Variants in DIAPH2 observed in about 807,000 individuals in gnomAD.
DIAPH2 encodes diaphanous related formin 2.
DIAPH2 carries 35 observed loss-of-function variants against 92.7 expected under a neutral mutation model. That is an observed-to-expected ratio of 0.38 (90% CI 0.29 to 0.50). The LOEUF (loss-of-function observed/expected upper bound fraction) is 0.50. Ranked by LOEUF, DIAPH2 falls within the 20% of genes least tolerant of loss-of-function variation. DIAPH2 has a pLI of 0.94. For missense variants in DIAPH2, 701 were observed against 819.5 expected (o/e 0.86, Z 1.77); for synonymous variants, 301 against 280.4 (o/e 1.07, Z -0.73).
rs2096774809 is a variant in DIAPH2, at chrX:96,798,980, C to T, written c.447+40722C>T. ...CTGATAGTTGTTCTGTGCCCATTCT[C>T]GTGGAGTCTCCTCTAAACTTGTACG... is the stretch of plus-strand genomic sequence containing the variant. On this transcript the variant is annotated intron_variant, in intron 4 of 26. Coordinates refer to ENST00000324765, the MANE Select transcript of DIAPH2 (RefSeq NM_006729.5). Among the ~76,000 whole-genome samples, 5 of 110,531 alleles carry T rather than the reference C, an allele frequency of 4.5e-5. No homozygotes were observed. In the Admixed American group the frequency reaches 4.8e-4, roughly 11 times the overall value.
intron 22 of DIAPH2, among the ~76,000 whole-genome samples, chrX:97,217,380 A>G (rs1007094204): frequency 2.2e-4 from 25 of 111,575 alleles, no homozygotes; most frequent in Admixed American, 7.6e-4. Context: ...CTGCAGTAAG[A>G]AAGGAAAAAC....
At chrX:97,446,858 CA>C (rs1161893607) in intron 26 of DIAPH2, among the ~76,000 whole-genome samples, 1,739 of 65,805 alleles carry the variant, frequency 0.026, 33 homozygotes, top group African/African-American at 0.072. Context: ...TTAAATGTTG[CA>C]AAAAAAAAAA....
chrX:96,937,866 C>A (rs2065668041), intron 11 of DIAPH2, among the ~76,000 whole-genome samples: 1 of 111,780 alleles, frequency 8.9e-6, no homozygotes, highest in Admixed American at 9.5e-5. Flanking sequence ...GCATCTGAGT[C>A]AAATACAGCT....
At chrX:96,803,740 T>C (rs1260728299) in intron 4 of DIAPH2, among the ~76,000 whole-genome samples, 1 of 112,423 alleles carries the variant, frequency 8.9e-6, no homozygotes, top group Non-Finnish European at 1.9e-5. Context: ...ACCCATTCTT[T>C]CATAAAATTC....
chrX:97,296,055 T>A (rs2147619784), intron 23 of DIAPH2, among the ~76,000 whole-genome samples: 1 of 111,468 alleles, frequency 9.0e-6, no homozygotes, highest in East Asian at 2.8e-4. Flanking sequence ...TTACAATGTA[T>A]TTGTTCCCAT....
Position 97,325,441 on chromosome X carries a change from G to A in DIAPH2, c.2845-22675G>A, listed in dbSNP as rs560824875. On this transcript the variant is annotated intron_variant, in intron 23 of 26. Coordinates refer to ENST00000324765, the MANE Select transcript of DIAPH2 (RefSeq NM_006729.5). ...TAGTAGTTGATTGTTAATACAGAGA[G>A]TAGGAAGGACATTATAATGCTCAAT... Among the ~76,000 whole-genome samples, 54 of 112,294 alleles carry A rather than the reference G, an allele frequency of 4.8e-4. No homozygotes were observed. In the South Asian group the frequency reaches 0.019, roughly 40 times the overall value.
Position 96,916,588 on chromosome X carries a change from T to C in DIAPH2, c.869+14T>C. On this transcript the variant is annotated intron_variant, in intron 8 of 26. Transcript: ENST00000324765. ...AGAAGAGAACATGTAAGTATTGCTATATTATTATATTTGCTGCATGGAAAA... is the reference window on the plus strand; with the variant it reads ...AGAAGAGAACATGTAAGTATTGCTACATTATTATATTTGCTGCATGGAAAA... 1 of 1,184,708 alleles carries C rather than the reference T, an allele frequency of 8.4e-7. No homozygotes were observed. Among genetic ancestry groups the C allele is most frequent in the Non-Finnish European group, 1.1e-6 (1 of 880,528 alleles).
At chrX:96,868,579 G>A (rs767937267) in intron 4 of DIAPH2, among the ~76,000 whole-genome samples, 4 of 111,286 alleles carry the variant, frequency 3.6e-5, no homozygotes, top group South Asian at 3.8e-4. Flanking sequence ...TTCTTCCCCC[G>A]CATAGAGTCA....
chrX:96,851,948 A>G (rs1247425883), intron 4 of DIAPH2, among the ~76,000 whole-genome samples: 1 of 112,209 alleles, frequency 8.9e-6, no homozygotes, highest in Non-Finnish European at 1.9e-5. Flanking sequence ...TAGATGAGTC[A>G]CAGAGCAGAT....
At chrX:97,115,863 A>G (rs981852225) in intron 21 of DIAPH2, among the ~76,000 whole-genome samples, 1 of 111,796 alleles carries the variant, frequency 8.9e-6, no homozygotes, top group African/African-American at 3.2e-5. Flanking sequence ...GTGCTTGTAT[A>G]TGTCCATTTT....
intron 24 of DIAPH2, among the ~76,000 whole-genome samples, chrX:97,353,815 C>T (rs938240063): frequency 3.2e-4 from 36 of 110,957 alleles, no homozygotes; most frequent in African/African-American, 1.2e-3. Flanking sequence ...GCTTCTACTT[C>T]CCAGATTGAC....
chrX:96,915,526 A>T (rs1441985231), intron 7 of DIAPH2, among the ~76,000 whole-genome samples: 1 of 110,475 alleles, frequency 9.1e-6, no homozygotes, highest in Non-Finnish European at 1.9e-5. Flanking sequence ...TCTTTTAGAA[A>T]TTAAATTAGG....
chrX:97,038,677 T>C (rs2066428321), intron 17 of DIAPH2, among the ~76,000 whole-genome samples: 1 of 110,334 alleles, frequency 9.1e-6, no homozygotes, highest in Non-Finnish European at 1.9e-5. Flanking sequence ...GGTTATCTCA[T>C]TGTCGCTTTA....
chrX:97,431,517 G>A (rs777534166), intron 26 of DIAPH2: 15 of 112,406 alleles, frequency 1.3e-4, no homozygotes, highest in Non-Finnish European at 2.6e-4. Context: ...GGAATATAGT[G>A]TTGTCAACTG....
At chrX:96,788,085 A>T (rs769238882) in intron 4 of DIAPH2, among the ~76,000 whole-genome samples, 4 of 110,991 alleles carry the variant, frequency 3.6e-5, no homozygotes, top group African/African-American at 1.3e-4. Flanking sequence ...ATGTTTTTCT[A>T]ATTTTAGAAC....
intron 22 of DIAPH2, among the ~76,000 whole-genome samples, chrX:97,226,523 G>A (rs956197266): frequency 9.1e-6 from 1 of 110,065 alleles, no homozygotes; most frequent in African/African-American, 3.3e-5. Context: ...ACAGGTGTCT[G>A]CCACCAGGCC....
At chrX:97,238,021 A>G (rs189589688) in intron 22 of DIAPH2, among the ~76,000 whole-genome samples, 46 of 112,157 alleles carry the variant, frequency 4.1e-4, no homozygotes, top group Middle Eastern at 4.6e-3. Flanking sequence ...TTAGCCTTTG[A>G]TTTAAAAAAT....
At chrX:96,924,420 T>C (rs2065566400) in intron 9 of DIAPH2, among the ~76,000 whole-genome samples, 2 of 111,658 alleles carry the variant, frequency 1.8e-5, no homozygotes, top group South Asian at 7.5e-4. Flanking sequence ...CACTGAATAA[T>C]TGTCAAACCT....
chrX:97,569,170 A>G (rs1229215753), intron 26 of DIAPH2, among the ~76,000 whole-genome samples: 1 of 111,872 alleles, frequency 8.9e-6, no homozygotes, highest in East Asian at 2.8e-4. Flanking sequence ...TATAAATAAA[A>G]TTAAGGTAAG....
Sources: gnomAD v4.1 joint callset for allele counts (sites outside exome capture counted in the v4.1 genomes callset) on GRCh38, gnomAD v4.1.1 for gene constraint, MANE v1.5 for transcripts, NCBI Gene and HGNC (gene_info 2026-07-23, HGNC 2026-07-21) for gene names.